KLF12: variants seen among roughly 807,000 people sequenced by gnomAD.
The protein encoded by KLF12 is KLF transcription factor 12, also known as Krueppel-like factor 12.
A neutral mutation model predicts 37.8 loss-of-function variants in KLF12; 9 were observed. The observed-to-expected ratio is 0.24, with a 90% CI of 0.14 to 0.42. The LOEUF is 0.42. Ranked by LOEUF, KLF12 falls within the 10% of genes least tolerant of loss-of-function variation. KLF12 has a pLI of 1.00. For missense variants in KLF12, 411 were observed against 516.0 expected, an observed-to-expected ratio of 0.80 and a Z score of 1.97; for synonymous variants, 208 against 202.1, an observed-to-expected ratio of 1.03 and a Z score of -0.25.
chr13:73,825,427 T>C (rs61572890), intron 4 of KLF12, among the ~76,000 whole-genome samples: 3,318 of 152,310 alleles, frequency 0.022, 73 homozygotes, highest in African/African-American at 0.059. Flanking sequence ...AACACTGCTA[T>C]AGTATACACT....
chr13:73,850,091 A>G lies in KLF12; in HGVS notation c.124-3718T>C, dbSNP rs1304644632. Among the ~76,000 whole-genome samples, 2 of 152,212 alleles carry G rather than the reference A, an allele frequency of 1.3e-5. 1 individual carries two copies. Among genetic ancestry groups the G allele is most frequent in the Middle Eastern group, 6.3e-3 (2 of 316 alleles). ...TTAAATAATTGCACAAATACACACA[A>G]AAGGCCAGAAAAGTAAATGGAACAA... On this transcript the variant is annotated intron_variant, in intron 3 of 7. Transcript: ENST00000377669.
At chr13:74,027,212 TGA>T in intron 1 of KLF12, among the ~76,000 whole-genome samples, 1 of 152,162 alleles carries the variant, frequency 6.6e-6, no homozygotes, top group Non-Finnish European at 1.5e-5. Context: ...TGAGAATTTG[TGA>T]AGAAATACGA....
chr13:73,897,365 T>C (rs1351434638), intron 3 of KLF12, among the ~76,000 whole-genome samples: 2 of 152,200 alleles, frequency 1.3e-5, no homozygotes, highest in African/African-American at 4.8e-5. Flanking sequence ...AGACATCTTC[T>C]GATTTGTCAA....
intron 7 of KLF12, among the ~76,000 whole-genome samples, chr13:73,702,293 T>C (rs969797289): frequency 8.5e-5 from 13 of 152,170 alleles, no homozygotes; most frequent in Admixed American, 2.0e-4. Flanking sequence ...AGTCACTAAG[T>C]GCATTTCCAT....
the KLF12 span, among the ~76,000 whole-genome samples, chr13:74,172,984 T>G: frequency 3.3e-5 from 5 of 152,216 alleles, no homozygotes; most frequent in Non-Finnish European, 7.3e-5. Context: ...GAACCCACAG[T>G]CTCATCAGAC....
intron 1 of KLF12, among the ~76,000 whole-genome samples, chr13:74,023,629 T>C (rs1892901852): frequency 6.6e-6 from 1 of 152,224 alleles, no homozygotes; most frequent in Non-Finnish European, 1.5e-5. Flanking sequence ...TCTCCCTATG[T>C]GTGTGTCTTC....
chr13:73,832,785 G>T (rs560634769), intron 4 of KLF12, among the ~76,000 whole-genome samples: 6 of 152,200 alleles, frequency 3.9e-5, no homozygotes, highest in African/African-American at 1.4e-4. Flanking sequence ...TCTACTTAAG[G>T]TTTGTTAAAG....
At position 73,826,294 on chromosome 13, in the gene KLF12, C is replaced by T. The variant is rs575056405; in HGVS notation, c.671-13007G>A. On this transcript the variant is annotated intron_variant, in intron 4 of 7. Transcript: ENST00000377669. ...GGCCCTTCAGCATTTTTATTTATCTCATTTCTGAAAGGAGAACTCCCTAAA... is the reference window on the plus strand; with the variant it reads ...GGCCCTTCAGCATTTTTATTTATCTTATTTCTGAAAGGAGAACTCCCTAAA... 5.3e-5 allele frequency among the ~76,000 whole-genome samples: 8 copies of T among 152,222 alleles called. No individual in the cohort carries two copies. In the South Asian group the frequency reaches 1.7e-3, roughly 32 times the overall value.
chr13:73,775,031 C>T (rs546125703), intron 5 of KLF12, among the ~76,000 whole-genome samples: 12 of 151,870 alleles, frequency 7.9e-5, no homozygotes, highest in African/African-American at 2.7e-4. Flanking sequence ...GATTCTCCTG[C>T]CTGGGCCTCC....
chr13:73,895,824 T>A (rs1296684386), intron 3 of KLF12, among the ~76,000 whole-genome samples: 1 of 28,800 alleles, frequency 3.5e-5, no homozygotes, highest in Non-Finnish European at 6.9e-5. Flanking sequence ...ATGGAATTCT[T>A]TTTTTTTTTT....
intron 1 of KLF12, among the ~76,000 whole-genome samples, chr13:74,119,331 GCA>G (rs1566221232): frequency 3.2e-5 from 3 of 94,430 alleles, no homozygotes; most frequent in Non-Finnish European, 2.8e-5. Context: ...GACTCTTATC[GCA>G]AAAAAAAAAA....
intron 2 of KLF12, among the ~76,000 whole-genome samples, chr13:73,947,119 G>C (rs951029748): frequency 5.3e-5 from 8 of 152,296 alleles, no homozygotes; most frequent in Non-Finnish European, 1.0e-4. Context: ...TGATTCCTAA[G>C]AGATGAATAA....
chr13:74,053,787 A>G (rs1873078548), intron 1 of KLF12, among the ~76,000 whole-genome samples: 1 of 152,208 alleles, frequency 6.6e-6, no homozygotes, highest in African/African-American at 2.4e-5. Flanking sequence ...GCCTAAAATT[A>G]TATCAGTACA....
the KLF12 span, among the ~76,000 whole-genome samples, chr13:74,157,814 G>T: frequency 5.3e-5 from 8 of 152,156 alleles, no homozygotes; most frequent in Admixed American, 6.5e-5. Context: ...CTTGGGTATT[G>T]ATTAATTGGG....
intron 7 of KLF12, among the ~76,000 whole-genome samples, chr13:73,703,698 T>C (rs557015069): frequency 2.6e-5 from 4 of 152,362 alleles, no homozygotes; most frequent in Admixed American, 2.6e-4. Flanking sequence ...CATTTAATTT[T>C]GATAACTTCC....
chr13:73,914,812 CTTT>C (rs201342030), intron 3 of KLF12, among the ~76,000 whole-genome samples: 2 of 151,292 alleles, frequency 1.3e-5, no homozygotes, highest in African/African-American at 4.9e-5. Context: ...ATGTTTTCAT[CTTT>C]TTTTTTCCTT....
chr13:74,253,013 ATCTATCTATCTGTCTG>A, the KLF12 span, among the ~76,000 whole-genome samples: 2,147 of 131,418 alleles, frequency 0.016, 59 homozygotes, highest in African/African-American at 0.067. Flanking sequence ...CTATCTATCT[ATCTATCTATCTGTCTG>A]TCTATCTACC....
At chr13:73,857,227 T>A (rs1885656644) in intron 3 of KLF12, among the ~76,000 whole-genome samples, 1 of 152,094 alleles carries the variant, frequency 6.6e-6, no homozygotes, top group Non-Finnish European at 1.5e-5. Context: ...TCAGATTGTT[T>A]TGAGAGAACA....
At chr13:74,124,428 AAATAATATTTT>A (rs1877820338) in intron 1 of KLF12, among the ~76,000 whole-genome samples, 1 of 152,236 alleles carries the variant, frequency 6.6e-6, no homozygotes, top group Admixed American at 6.5e-5. Flanking sequence ...CTTAATATTT[AAATAATATTTT>A]AATACAAACT....
Sources: allele counts gnomAD v4.1 joint callset (sites outside exome capture counted in the v4.1 genomes callset), GRCh38; gene constraint gnomAD v4.1.1; transcripts MANE v1.5; gene names NCBI Gene and HGNC (gene_info 2026-07-23, HGNC 2026-07-21).